The following AXDND1 variants were observed in gnomAD, a reference collection of about 807,000 sequenced individuals.
AXDND1 encodes the protein axonemal dynein light chain domain containing 1.
In AXDND1, 110 loss-of-function variants were observed where a neutral mutation model predicts 137.5. That is an observed-to-expected ratio of 0.80 (90% CI 0.69 to 0.94). AXDND1 has a LOEUF of 0.94. AXDND1 is among the 40% of genes least tolerant of loss of function. The probability of loss-of-function intolerance (pLI) is 0.00; values close to 1 mark genes in which losing one functional copy is unlikely to be tolerated. For missense variants in AXDND1, 1,191 were observed against 1,169.8 expected (o/e 1.02, Z -0.26); for synonymous variants, 414 against 399.7 (o/e 1.04, Z -0.43).
intron 16 of AXDND1, among the ~76,000 whole-genome samples, chr1:179,463,690 C>T (rs1314180036): frequency 4.6e-5 from 7 of 152,134 alleles, no homozygotes; most frequent in Non-Finnish European, 8.8e-5. Flanking sequence ...CTTTCTGTCT[C>T]CTTGATCTGT....
chr1:179,466,378 A>T (rs767227613), intron 16 of AXDND1, among the ~76,000 whole-genome samples: 3 of 137,124 alleles, frequency 2.2e-5, no homozygotes, highest in Admixed American at 8.1e-5. Flanking sequence ...CTCCCCCTTG[A>T]CCTCTCAAAG....
chr1:179,469,209 T>C (rs1036747665), intron 17 of AXDND1, among the ~76,000 whole-genome samples: 1 of 152,132 alleles, frequency 6.6e-6, no homozygotes, highest in Non-Finnish European at 1.5e-5. Flanking sequence ...AGATTACAGG[T>C]GTGAGCCACC....
At chr1:179,534,150 C>A (rs1325115184) in intron 24 of AXDND1, among the ~76,000 whole-genome samples, 1 of 152,098 alleles carries the variant, frequency 6.6e-6, no homozygotes, top group Non-Finnish European at 1.5e-5. Context: ...ATGTTTGTTT[C>A]TAAGAGATAA....
At chr1:179,380,987 T>C (rs1350176219) in intron 6 of AXDND1, among the ~76,000 whole-genome samples, 1 of 151,908 alleles carries the variant, frequency 6.6e-6, no homozygotes, top group Admixed American at 6.6e-5. Context: ...CCAAATACTT[T>C]AGTGTGTATT....
At chr1:179,370,127 C>A (rs16854009) in intron 4 of AXDND1, 49 bp downstream of exon 4, 2 of 1,447,626 alleles carry the variant, frequency 1.4e-6, no homozygotes, top group African/African-American at 1.4e-5. Flanking sequence ...GAGTTGTTTT[C>A]TCATTTTGAA....
At position 179,432,362 on chromosome 1, in the gene AXDND1, A is replaced by G; in HGVS notation, c.1563+20A>G. The G allele has an allele frequency of 6.5e-7, 1 of 1,545,930 alleles. No homozygotes were observed. Among genetic ancestry groups the G allele is most frequent in the South Asian group, 1.2e-5 (1 of 82,956 alleles). On this transcript the variant is annotated intron_variant, in intron 15 of 25. Coordinates refer to ENST00000367618, the MANE Select transcript of AXDND1 (RefSeq NM_144696.6). ...CAGAAGGTAAGACTTTTTAATAAAG[A>G]GCTTGGCAATCAAAGTGCTGATTGT...
chr1:179,391,107 T>A (rs910755003), intron 9 of AXDND1, among the ~76,000 whole-genome samples: 8 of 86,116 alleles, frequency 9.3e-5, no homozygotes, highest in African/African-American at 2.2e-4. Context: ...AGGCCAGACT[T>A]CTTCTTTTTT....
intron 21 of AXDND1, among the ~76,000 whole-genome samples, chr1:179,520,826 C>A (rs1669979731): frequency 6.7e-6 from 1 of 149,088 alleles, no homozygotes; most frequent in Non-Finnish European, 1.5e-5. Flanking sequence ...ATGAGACATT[C>A]TTTTCCATTA....
chr1:179,504,460 C>T (rs910964980), intron 20 of AXDND1, among the ~76,000 whole-genome samples: 1 of 152,070 alleles, frequency 6.6e-6, no homozygotes, highest in Non-Finnish European at 1.5e-5. Context: ...CTCTGTGTGG[C>T]GAGACCAGGT....
At chr1:179,543,499 G>A (rs542345919) in intron 25 of AXDND1, 75 of 152,314 alleles carry the variant, frequency 4.9e-4, no homozygotes, top group Middle Eastern at 6.8e-3. Context: ...ATGTTGGGGG[G>A]AGCAGGCTTG....
intron 24 of AXDND1, among the ~76,000 whole-genome samples, chr1:179,534,295 C>T (rs771278745): frequency 2.0e-5 from 3 of 152,144 alleles, no homozygotes; most frequent in South Asian, 2.1e-4. Context: ...AGACATATAA[C>T]GTGCTGTAGT....
intron 16 of AXDND1, chr1:179,452,446 T>C (rs10913772): frequency 0.47 from 68,256 of 146,342 alleles, 16,939 homozygotes; most frequent in East Asian, 0.76. Context: ...CCCAGCACTT[T>C]GGGAGGCCGA....
intron 25 of AXDND1, chr1:179,543,497 G>A (rs1672357905): frequency 6.6e-6 from 1 of 152,218 alleles, no homozygotes; most frequent in African/African-American, 2.4e-5. Flanking sequence ...GCATGTTGGG[G>A]GGAGCAGGCT....
intron 9 of AXDND1, among the ~76,000 whole-genome samples, chr1:179,393,533 G>A (rs1222737463): frequency 1.3e-5 from 2 of 151,834 alleles, no homozygotes; most frequent in African/African-American, 2.4e-5. Flanking sequence ...GGTGGGAATT[G>A]CATGGAATCT....
chr1:179,514,169 G>A (rs907778245), intron 21 of AXDND1, among the ~76,000 whole-genome samples: 6 of 151,732 alleles, frequency 4.0e-5, no homozygotes, highest in African/African-American at 1.2e-4. Flanking sequence ...TTAGAATGTC[G>A]GTTTGTATTC....
chr1:179,482,131 T>G (rs1445743121), intron 17 of AXDND1, among the ~76,000 whole-genome samples: 2 of 140,384 alleles, frequency 1.4e-5, no homozygotes, highest in Non-Finnish European at 3.1e-5. Flanking sequence ...TTTTGCCTTC[T>G]TCTATCTCCA....
intron 25 of AXDND1, among the ~76,000 whole-genome samples, chr1:179,541,013 A>G (rs879834720): frequency 3.3e-5 from 5 of 152,152 alleles, no homozygotes; most frequent in Non-Finnish European, 7.3e-5. Context: ...GCAATAGCGA[A>G]CGCTCTTCCC....
chr1:179,435,133 A>G (rs1657960509), intron 15 of AXDND1, among the ~76,000 whole-genome samples: 1 of 152,168 alleles, frequency 6.6e-6, no homozygotes, highest in Non-Finnish European at 1.5e-5. Context: ...TACAGCCAAT[A>G]AGGGATGCGA....
intron 9 of AXDND1, among the ~76,000 whole-genome samples, chr1:179,390,749 C>CTT (rs1650032253): frequency 7.4e-6 from 1 of 134,802 alleles, no homozygotes; most frequent in Middle Eastern, 3.5e-3. Context: ...AGCCTAGATT[C>CTT]CTTTTTTTTT....
Sources: allele counts gnomAD v4.1 joint callset (sites outside exome capture counted in the v4.1 genomes callset), GRCh38; gene constraint gnomAD v4.1.1; transcripts MANE v1.5; gene names NCBI Gene and HGNC (gene_info 2026-07-23, HGNC 2026-07-21).